ARAP2: variants seen among roughly 807,000 people sequenced by gnomAD.
ARAP2 encodes the protein arf-GAP with Rho-GAP domain, ANK repeat and PH domain-containing protein 2.
A neutral mutation model predicts 194.5 loss-of-function variants in ARAP2; 148 were observed. The ratio of observed to expected loss-of-function variants is 0.76; its 90% CI spans 0.67 to 0.87. The LOEUF is 0.87. Ranked by LOEUF, ARAP2 falls within the 40% of genes least tolerant of loss-of-function variation. The pLI is 0.00. For missense variants in ARAP2, 2,128 were observed against 1,989.7 expected, an observed-to-expected ratio of 1.07 and a Z score of -1.32; for synonymous variants, 695 against 683.5, an observed-to-expected ratio of 1.02 and a Z score of -0.26.
In ARAP2 at chr4:36,121,324, A is replaced by G; in HGVS notation, c.3749T>C (p.Val1250Ala). The change falls in exon 23 of 33, where the codon GTT (valine) becomes GCT (alanine). Residue 1250 changes from valine to alanine, a missense_variant and splice_region_variant. By Grantham distance (64) the Val-to-Ala change is moderately conservative. Coordinates refer to ENST00000303965, the MANE Select transcript of ARAP2 (RefSeq NM_015230.4). ...GTGATTGATTTCTGAGCATTTCTGA[A>G]CCCTGTCAGAGAAAAGCATAGTTTA... The part of the protein sequence containing the change: ...LAAIIEHLYR[V>A]QKCSEINHMN... 6.3e-7 allele frequency: 1 copy of G among 1,585,876 alleles called. No individual in the cohort carries two copies. The highest frequency in any genetic ancestry group is 8.6e-7 in the Non-Finnish European group (1 of 1,165,696).
At chr4:36,214,200 C>A (rs535465009) in intron 3 of ARAP2, among the ~76,000 whole-genome samples, 1 of 152,270 alleles carries the variant, frequency 6.6e-6, no homozygotes, top group South Asian at 2.1e-4. Flanking sequence ...AAAAAGAAAA[C>A]TTCTTACATT....
chr4:36,203,146 T>A (rs1744775584), intron 6 of ARAP2, among the ~76,000 whole-genome samples: 1 of 152,226 alleles, frequency 6.6e-6, no homozygotes, highest in Non-Finnish European at 1.5e-5. Flanking sequence ...CATAATAGTC[T>A]AGTTTTATTC....
At chr4:36,096,848 A>T (rs1216307426) in intron 27 of ARAP2, among the ~76,000 whole-genome samples, 4 of 152,160 alleles carry the variant, frequency 2.6e-5, no homozygotes, top group African/African-American at 9.6e-5. Flanking sequence ...TAAACATTGT[A>T]TGGACTTGGT....
chr4:36,040,449 T>G (rs1396894499), intron 5 of ARAP2, among the ~76,000 whole-genome samples: 1 of 152,206 alleles, frequency 6.6e-6, no homozygotes, highest in Non-Finnish European at 1.5e-5. Flanking sequence ...GCCATTTTAA[T>G]GATATTGATT....
Position 36,073,820 on chromosome 4 carries a change from C to A in ARAP2, c.4612G>T (p.Glu1538Ter). 1 of 1,612,678 alleles carries A rather than the reference C, an allele frequency of 6.2e-7. No individual in the cohort carries two copies. Among genetic ancestry groups the A allele is most frequent in the Non-Finnish European group, 8.5e-7 (1 of 1,179,040 alleles). Residue 1538 changes from glutamate to a stop codon, truncating the protein, a stop_gained, in exon 32 of 33, where the codon GAA becomes TAA. Coordinates refer to ENST00000303965, the MANE Select transcript of ARAP2 (RefSeq NM_015230.4). LOFTEE classifies it high-confidence loss of function. ...WMTSIFIAQH[E>*]YDIWPPAGKE... ...CCAGCTGGTGGCCATATATCATATT[C>A]ATGCTGTGGAAACACAATTTCTTGC...
rs142083378 is a variant in ARAP2 at position 36,020,629 on chromosome 4, T to C, written n.608-1343A>G. ...CAATTTAAAAGTTATGATTTGTTTA[T>C]TTCTGCATCATTCCATGAAATATTT... is the stretch of plus-strand genomic sequence containing the variant. On this transcript the variant is annotated intron_variant and non_coding_transcript_variant, in intron 5 of 12. Transcript: ENST00000503225. Among the ~76,000 whole-genome samples the C allele has an allele frequency of 2.5e-3, 374 of 152,346 alleles. 2 individuals carry two copies. Among genetic ancestry groups the C allele is most frequent in the African/African-American group, 7.2e-3 (300 of 41,582 alleles).
intron 30 of ARAP2, among the ~76,000 whole-genome samples, chr4:36,081,586 G>A (rs1011463862): frequency 6.6e-6 from 1 of 152,126 alleles, no homozygotes; most frequent in Non-Finnish European, 1.5e-5. Context: ...TTTAAAGCAG[G>A]AGAGAAACAT....
chr4:36,070,248 T>C (rs1263481815), intron 32 of ARAP2, among the ~76,000 whole-genome samples: 1 of 152,172 alleles, frequency 6.6e-6, no homozygotes, highest in East Asian at 1.9e-4. Flanking sequence ...AGGAAGAATT[T>C]TGCATGAATA....
chr4:36,152,410 T>C (rs1236209066), intron 15 of ARAP2, among the ~76,000 whole-genome samples: 1 of 152,198 alleles, frequency 6.6e-6, no homozygotes, highest in East Asian at 1.9e-4. Context: ...AAAGTCAAAA[T>C]ACGAATCAAA....
At chr4:36,013,619 T>C (rs1301707096) in intron 8 of ARAP2, among the ~76,000 whole-genome samples, 4 of 152,150 alleles carry the variant, frequency 2.6e-5, no homozygotes, top group Non-Finnish European at 1.5e-5. Flanking sequence ...TGGGAGCAAG[T>C]GGAATTTAAG....
chr4:36,102,121 T>C (rs1272636646), intron 27 of ARAP2, among the ~76,000 whole-genome samples: 1 of 151,996 alleles, frequency 6.6e-6, no homozygotes, highest in African/African-American at 2.4e-5. Flanking sequence ...CTGCCAAGGC[T>C]AAAACCACTT....
At chr4:36,194,775 A>G (rs1742708979) in intron 6 of ARAP2, among the ~76,000 whole-genome samples, 1 of 152,246 alleles carries the variant, frequency 6.6e-6, no homozygotes, top group African/African-American at 2.4e-5. Context: ...CAACATTTTC[A>G]CATATAAGCA....
chr4:36,185,432 C>T (rs1054533540), intron 8 of ARAP2, among the ~76,000 whole-genome samples: 4 of 152,124 alleles, frequency 2.6e-5, no homozygotes, highest in Non-Finnish European at 4.4e-5. Flanking sequence ...CTAAGTTGAT[C>T]TCAGTAATCC....
At chr4:36,120,429 ACACT>A (rs1722405631) in intron 23 of ARAP2, among the ~76,000 whole-genome samples, 1 of 151,650 alleles carries the variant, frequency 6.6e-6, no homozygotes, top group Non-Finnish European at 1.5e-5. Flanking sequence ...GTAACCAATT[ACACT>A]AACTGTCTTG....
At chr4:36,160,242 G>A (rs1377849203) in intron 13 of ARAP2, 2 of 1,139,058 alleles carry the variant, frequency 1.8e-6, no homozygotes, top group East Asian at 6.2e-5. Context: ...AGAGTTAGCA[G>A]GAAACTTCAA....
At chr4:36,170,806 G>C (rs2109823150) in intron 9 of ARAP2, among the ~76,000 whole-genome samples, 1 of 152,252 alleles carries the variant, frequency 6.6e-6, no homozygotes, top group East Asian at 1.9e-4. Flanking sequence ...AAGCAAAGCA[G>C]TGCTTAGTAA....
intron 24 of ARAP2, among the ~76,000 whole-genome samples, chr4:36,119,201 A>G (rs1322017371): frequency 6.6e-6 from 1 of 151,568 alleles, no homozygotes; most frequent in African/African-American, 2.4e-5. Flanking sequence ...TACAAAGATC[A>G]AATTAGATGC....
chr4:36,044,314 A>C (rs947975865), intron 5 of ARAP2, among the ~76,000 whole-genome samples: 1 of 152,186 alleles, frequency 6.6e-6, no homozygotes, highest in African/African-American at 2.4e-5. Context: ...AGAAACTTCA[A>C]GAGAAAAATG....
intron 19 of ARAP2, among the ~76,000 whole-genome samples, chr4:36,134,741 C>CACACACACAAACACAA (rs1179487183): frequency 7.4e-6 from 1 of 135,378 alleles, no homozygotes; most frequent in African/African-American, 2.5e-5. Flanking sequence ...CAAATACACA[C>CACACACACAAACACAA]ACACACACAC....
Sources: gnomAD v4.1 joint callset for allele counts (sites outside exome capture counted in the v4.1 genomes callset) on GRCh38, gnomAD v4.1.1 for gene constraint, MANE v1.5 for transcripts, NCBI Gene and HGNC (gene_info 2026-07-23, HGNC 2026-07-21) for gene names.